CEP120: variants seen among roughly 807,000 people sequenced by gnomAD.
CEP120 encodes the protein centrosomal protein 120, also known as centrosomal protein of 120 kDa.
CEP120 carries 113 observed loss-of-function variants against 126.5 expected under a neutral mutation model. The observed-to-expected ratio is 0.89, with a 90% CI of 0.77 to 1.04. The LOEUF (loss-of-function observed/expected upper bound fraction) is 1.04, where lower values mean the gene tolerates loss of function less well. CEP120 is among the 50% of genes least tolerant of loss of function. CEP120 has a pLI of 0.00. For missense variants in CEP120, 1,230 were observed against 1,155.7 expected (o/e 1.06, Z -0.93); for synonymous variants, 400 against 394.3 (o/e 1.01, Z -0.17).
Position 123,385,020 on chromosome 5 carries a change from A to G in CEP120, c.1694T>C (p.Leu565Ser). 1 of 1,613,824 alleles carries G rather than the reference A, an allele frequency of 6.2e-7. No homozygotes were observed. Among genetic ancestry groups the G allele is most frequent in the Non-Finnish European group, 8.5e-7 (1 of 1,179,804 alleles). Residue 565 changes from leucine to serine, a missense_variant, in exon 11 of 20, where the codon TTA becomes TCA. Coordinates refer to ENST00000306467, the MANE Select transcript of CEP120 (RefSeq NM_001375405.1). ...CCAACACTGTTCACCATTAGAACCT[A>G]AAAAACGAGTTTTTTCTGAAGACAA... is the stretch of plus-strand genomic sequence containing the variant. ...NILSSEKTRF[L>S]GSNGEQCWRQ...
At chr5:123,421,673 C>T (rs1341087770) in intron 1 of CEP120, among the ~76,000 whole-genome samples, 1 of 148,142 alleles carries the variant, frequency 6.8e-6, no homozygotes, top group East Asian at 2.1e-4. Context: ...ATATTGTGTC[C>T]TGTGATCTCC....
At chr5:123,357,763 T>C (rs1049393880) in intron 18 of CEP120, among the ~76,000 whole-genome samples, 6 of 151,926 alleles carry the variant, frequency 3.9e-5, no homozygotes, top group African/African-American at 9.7e-5. Context: ...AAAGCAAACG[T>C]AGGAAAAGAT....
chr5:123,354,490 G>A (rs1024357862), intron 18 of CEP120, among the ~76,000 whole-genome samples: 1 of 151,958 alleles, frequency 6.6e-6, no homozygotes, highest in Non-Finnish European at 1.5e-5. Context: ...GAGAGTTATG[G>A]TAAAATCTTC....
chr5:123,358,642 A>ATTTCT (rs1173381270), intron 18 of CEP120, among the ~76,000 whole-genome samples: 10 of 152,098 alleles, frequency 6.6e-5, no homozygotes, highest in African/African-American at 2.4e-4. Flanking sequence ...AAACGTAAGA[A>ATTTCT]AATCCTTTAA....
Position 123,401,830 on chromosome 5 carries a change from C to G in CEP120, c.464-2546G>C. On this transcript the variant is annotated intron_variant, in intron 4 of 19. Coordinates refer to ENST00000306467, the MANE Select transcript of CEP120 (RefSeq NM_001375405.1). ...TCATACTTGTTCTTGAAGTCCTCCA[C>G]CAGCCCCTACATGTTGCCAAGCTCC... The G allele has an allele frequency of 3.4e-6, 5 of 1,457,552 alleles. No homozygotes were observed. The South Asian group carries it at 5.7e-5, about 17-fold the overall frequency. The allele number at this position is 1,457,552 out of a possible 1,614,324, so 90.3% of individuals were successfully genotyped here. A position where few individuals can be genotyped will look rare whatever the true frequency, so the allele number is the denominator to read the frequency against.
chr5:123,382,840 C>A lies in CEP120; in HGVS notation c.1910G>T (p.Cys637Phe), dbSNP rs755325505. 48 of 1,613,462 alleles carry A rather than the reference C, an allele frequency of 3.0e-5. No individual in the cohort carries two copies. The East Asian group carries it at 1.0e-3, about 34-fold the overall frequency. Residue 637 changes from cysteine to phenylalanine, a missense_variant, in exon 13 of 20, where the codon TGT becomes TTT. Transcript: ENST00000306467. ...QKPSSLPPAP[C>F]PSEIQTEPRE... The stretch of plus-strand genomic sequence containing the variant: ...AGGCTCTGTCTGGATCTCTGAAGGA[C>A]AAGGTGCTGGAGGAAGAGAAGACGG...
intron 4 of CEP120, chr5:123,401,924 G>A: frequency 6.5e-7 from 1 of 1,546,320 alleles, no homozygotes; most frequent in Non-Finnish European, 8.9e-7. Flanking sequence ...TGTAGCTCTT[G>A]AACATGTTGT....
At chr5:123,407,752 C>T (rs936965195) in intron 4 of CEP120, among the ~76,000 whole-genome samples, 4 of 152,090 alleles carry the variant, frequency 2.6e-5, no homozygotes, top group Admixed American at 2.6e-4. Flanking sequence ...CTTCAAACAA[C>T]AACAGCAGAA....
chr5:123,401,810 C>T (rs1773261071), intron 4 of CEP120: 2 of 1,370,462 alleles, frequency 1.5e-6, no homozygotes, highest in South Asian at 1.2e-5. Context: ...CATCCTCATA[C>T]TTGTTCTTGA....
In CEP120 at chr5:123,385,035, T is replaced by A. The variant is rs1239931954; in HGVS notation, c.1679A>T (p.Glu560Val). The stretch of plus-strand genomic sequence containing the variant: ...ATTAGAACCTAAAAAACGAGTTTTT[T>A]CTGAAGACAAGATGTTAGAAAGCTG... ...RIQLSNILSS[E>V]KTRFLGSNGE... is the part of the protein sequence containing the mutation. Residue 560 changes from glutamate to valine, a missense_variant, in exon 11 of 20, where the codon GAA becomes GTA. Physicochemically the swap from Glu to Val is moderately radical, Grantham distance 121 (BLOSUM62 -2). Coordinates refer to ENST00000306467, the MANE Select transcript of CEP120 (RefSeq NM_001375405.1). The A allele has an allele frequency of 6.2e-7, 1 of 1,613,862 alleles. No individual in the cohort carries two copies. The highest frequency in any genetic ancestry group is 8.5e-7 in the Non-Finnish European group (1 of 1,179,836).
At chr5:123,410,015 C>CACA (rs1773943170) in intron 4 of CEP120, among the ~76,000 whole-genome samples, 2 of 142,836 alleles carry the variant, frequency 1.4e-5, no homozygotes, top group Non-Finnish European at 3.0e-5. Context: ...CACACACACA[C>CACA]AAGTGATTAT....
chr5:123,363,848 T>C (rs1283216523), intron 18 of CEP120, among the ~76,000 whole-genome samples: 1 of 151,492 alleles, frequency 6.6e-6, no homozygotes, highest in Non-Finnish European at 1.5e-5. Flanking sequence ...AAACTAACCA[T>C]TATTAATCTT....
Position 123,346,693 on chromosome 5 carries a change from C to A in CEP120, c.2787G>T (p.Lys929Asn). ...QDSTEIASGK[K>N]DGPHGSVLEE... ...CCAATACACTGCCATGGGGGCCATC[C>A]TTTTTTCCACTTGCAATCTCTGTGG... is the stretch of plus-strand genomic sequence containing the variant. Residue 929 changes from lysine (K) to asparagine (N), a missense_variant, in exon 20 of 20, where the codon AAG (lysine) becomes AAT (asparagine). Transcript: ENST00000306467. The A allele has an allele frequency of 6.8e-6, 11 of 1,613,218 alleles. No homozygotes were observed. The highest frequency in any genetic ancestry group is 8.5e-6 in the Non-Finnish European group (10 of 1,179,814).
Position 123,382,170 on chromosome 5 carries a change from C to T in CEP120, c.2044G>A (p.Ala682Thr). Residue 682 changes from alanine (A) to threonine (T), a missense_variant, in exon 14 of 20, where the codon GCT (alanine) becomes ACT (threonine). By Grantham distance (58) the Ala-to-Thr change is moderately conservative (BLOSUM62 0). Coordinates refer to ENST00000306467, the MANE Select transcript of CEP120 (RefSeq NM_001375405.1). ...LKQKELAHMQ[A>T]LAEEWKKRDR... Reference sequence around the variant, plus strand: ...CTTTTCTTCCATTCCTCTGCAAGAGCCTGCATATGAGCCAGTTCTTTCTGC... The same window carrying T: ...CTTTTCTTCCATTCCTCTGCAAGAGTCTGCATATGAGCCAGTTCTTTCTGC... 6.2e-7 allele frequency: 1 copy of T among 1,609,838 alleles called. No individual in the cohort carries two copies. The highest frequency in any genetic ancestry group is 2.2e-5 in the East Asian group (1 of 44,724).
At chr5:123,391,051 G>T in intron 7 of CEP120, 59 bp downstream of exon 7, 2 of 1,261,860 alleles carry the variant, frequency 1.6e-6, no homozygotes, top group Non-Finnish European at 2.2e-6. Context: ...TTCAACTTTT[G>T]TAAGTAATCA....
At chr5:123,395,358 A>G (rs768243714) in intron 5 of CEP120, among the ~76,000 whole-genome samples, 11 of 152,168 alleles carry the variant, frequency 7.2e-5, no homozygotes, top group Non-Finnish European at 1.3e-4. Context: ...TAAGTCACTG[A>G]TTTGCATCTG....
intron 18 of CEP120, among the ~76,000 whole-genome samples, chr5:123,360,850 G>C (rs1476087072): frequency 6.6e-6 from 1 of 151,680 alleles, no homozygotes; most frequent in Non-Finnish European, 1.5e-5. Flanking sequence ...CAAAAGTCAG[G>C]AATTTGGGGG....
At chr5:123,401,856 G>A (rs1477176484) in intron 4 of CEP120, 9 of 1,534,680 alleles carry the variant, frequency 5.9e-6, no homozygotes, top group African/African-American at 2.7e-5. Flanking sequence ...GCCAAGCTCC[G>A]CCTCCAGCTT....
rs867012018 is a variant in CEP120, at chr5:123,396,004, T to G, written c.613-2507A>C. Among the ~76,000 whole-genome samples the G allele has an allele frequency of 6.6e-5, 10 of 151,128 alleles. No homozygotes were observed. The South Asian group carries it at 1.7e-3, about 25-fold the overall frequency. On this transcript the variant is annotated intron_variant, in intron 5 of 19. Coordinates refer to ENST00000306467, the MANE Select transcript of CEP120 (RefSeq NM_001375405.1). ...GTCTCCATTCCTTTTTTTTTTTTTT[T>G]TTTTACTATAAAGATGGAGGTCTCG...
Sources: gnomAD v4.1 joint callset for allele counts (sites outside exome capture counted in the v4.1 genomes callset) on GRCh38, gnomAD v4.1.1 for gene constraint, MANE v1.5 for transcripts, NCBI Gene and HGNC (gene_info 2026-07-23, HGNC 2026-07-21) for gene names.